Variants in HIP1 observed in about 807,000 individuals in gnomAD.
HIP1 encodes huntingtin-interacting protein 1.
In HIP1, 65 loss-of-function variants were observed where a neutral mutation model predicts 147.6. That is an observed-to-expected ratio of 0.44 (90% CI 0.36 to 0.54). The LOEUF (loss-of-function observed/expected upper bound fraction) is 0.54. HIP1 is among the 20% of genes least tolerant of loss of function. The pLI is 0.00. For missense variants in HIP1, 1,061 were observed against 1,299.6 expected (o/e 0.82, Z 2.82); for synonymous variants, 479 against 504.0 (o/e 0.95, Z 0.67).
chr7:75,582,190 C>T, intron 5 of HIP1, 39 bp from the exon 6 acceptor site: 2 of 1,523,202 alleles, frequency 1.3e-6, no homozygotes, highest in Non-Finnish European at 1.8e-6. Context: ...GGGCAGAAGA[C>T]ATGAAGAGCC....
chr7:75,701,716 G>A (rs1474503039), intron 1 of HIP1, among the ~76,000 whole-genome samples: 1 of 151,914 alleles, frequency 6.6e-6, no homozygotes, highest in Non-Finnish European at 1.5e-5. Flanking sequence ...AGCTTGGCCT[G>A]GTGGTGCACA....
At chr7:75,614,742 G>GAAAA (rs71098041) in intron 1 of HIP1, among the ~76,000 whole-genome samples, 2 of 150,490 alleles carry the variant, frequency 1.3e-5, no homozygotes, top group Non-Finnish European at 1.5e-5. Context: ...TTTGTCACAG[G>GAAAA]AAAAAAAAAG....
At chr7:75,715,531 G>A (rs1801290814) in intron 1 of HIP1, among the ~76,000 whole-genome samples, 1 of 151,358 alleles carries the variant, frequency 6.6e-6, no homozygotes, top group Admixed American at 6.6e-5. Flanking sequence ...CAGCACTTTG[G>A]GAGGCTGAGG....
At chr7:75,726,133 C>T (rs983934473) in intron 1 of HIP1, among the ~76,000 whole-genome samples, 2 of 152,150 alleles carry the variant, frequency 1.3e-5, no homozygotes, top group African/African-American at 2.4e-5. Context: ...CGTGAGCCAC[C>T]GCGCCCAGCT....
chr7:75,549,035 G>T, intron 22 of HIP1, 34 bp from the exon 23 acceptor site: 1 of 1,454,256 alleles, frequency 6.9e-7, no homozygotes, highest in Non-Finnish European at 9.7e-7. Context: ...AACTGACCTT[G>T]GGGCCTCCTG....
chr7:75,665,439 G>A (rs1465329089), intron 1 of HIP1, among the ~76,000 whole-genome samples: 1 of 152,116 alleles, frequency 6.6e-6, no homozygotes, highest in African/African-American at 2.4e-5. Context: ...GCACAAAAGG[G>A]CCACTGAGCA....
chr7:75,668,616 C>T lies in HIP1; in HGVS notation c.121-69369G>A, dbSNP rs546536337. On this transcript the variant is annotated intron_variant, in intron 1 of 30. Transcript: ENST00000336926. The stretch of plus-strand genomic sequence containing the variant: ...CTGGGATTACAGGCATGAGCCACCA[C>T]CCCTGGCCGGGACTTCCCAACTTTT... Among the ~76,000 whole-genome samples, 4 of 152,164 alleles carry T rather than the reference C, an allele frequency of 2.6e-5. No homozygotes were observed. The East Asian group carries it at 5.9e-4, about 22-fold the overall frequency.
intron 1 of HIP1, among the ~76,000 whole-genome samples, chr7:75,608,113 T>A (rs1554504167): frequency 1.3e-5 from 2 of 152,186 alleles, no homozygotes; most frequent in Non-Finnish European, 2.9e-5. Context: ...AAGTTCGGCC[T>A]GGCCAAGATG....
chr7:75,655,257 A>G (rs1799110748), intron 1 of HIP1, among the ~76,000 whole-genome samples: 1 of 152,118 alleles, frequency 6.6e-6, no homozygotes, highest in African/African-American at 2.4e-5. Context: ...CTGCGGCTGA[A>G]TTTTGAAAAC....
At chr7:75,717,469 G>A (rs1234394687) in intron 1 of HIP1, among the ~76,000 whole-genome samples, 3 of 152,036 alleles carry the variant, frequency 2.0e-5, no homozygotes, top group Admixed American at 6.6e-5. Context: ...ATTTGAGTAA[G>A]TGAATGTTGG....
intron 1 of HIP1, among the ~76,000 whole-genome samples, chr7:75,672,700 C>G (rs999918070): frequency 6.6e-6 from 1 of 152,094 alleles, no homozygotes; most frequent in Non-Finnish European, 1.5e-5. Context: ...TTTATTTTTT[C>G]TTTGGTTGTT....
intron 1 of HIP1, among the ~76,000 whole-genome samples, chr7:75,724,812 C>G (rs1554522193): frequency 1.3e-5 from 2 of 152,156 alleles, no homozygotes. Context: ...AACAACAGGG[C>G]TCAATTTCCT....
chr7:75,542,828 A>C, intron 28 of HIP1, 23 bp downstream of exon 28: 1 of 1,613,310 alleles, frequency 6.2e-7, no homozygotes, highest in Non-Finnish European at 8.5e-7. Context: ...TGGGTAAGAA[A>C]AGGGTCCCTT....
chr7:75,710,751 G>A (rs150207570), intron 1 of HIP1, among the ~76,000 whole-genome samples: 2,350 of 152,230 alleles, frequency 0.015, 30 homozygotes, highest in Non-Finnish European at 0.025. Flanking sequence ...GCAATACGGT[G>A]AGACTCTATC....
In HIP1 at chr7:75,722,526, C is replaced by T. The variant is rs141345158; in HGVS notation, c.120+16275G>A. On this transcript the variant is annotated intron_variant, in intron 1 of 30. Transcript: ENST00000336926. Reference sequence around the variant, plus strand: ...TCCAGTGCTCTGGGAGCTCTTGGCTCCTCTGCAGCCAAACCCAGAATGCTG... The same window carrying T: ...TCCAGTGCTCTGGGAGCTCTTGGCTTCTCTGCAGCCAAACCCAGAATGCTG... Among the ~76,000 whole-genome samples, 946 of 152,196 alleles carry T rather than the reference C, an allele frequency of 6.2e-3. 17 individuals carry two copies. The highest frequency in any genetic ancestry group is 0.021 in the African/African-American group (879 of 41,518).
Position 75,538,070 on chromosome 7 carries a change from G to A in HIP1, c.*102C>T. 6 of 912,746 alleles carry A rather than the reference G, an allele frequency of 6.6e-6. No individual in the cohort carries two copies. The South Asian group carries it at 7.9e-5, about 12-fold the overall frequency. 56.5% of individuals were successfully genotyped at this position (912,746 alleles called of 1,614,324 possible). ...GGCACTGGGTAATGGCAGTGGTGTG[G>A]CTGCCCCTGGGACTCCAAGGATTTG... On this transcript the variant is annotated 3_prime_UTR_variant, in exon 31 of 31. Transcript: ENST00000336926.
intron 1 of HIP1, among the ~76,000 whole-genome samples, chr7:75,631,000 C>T (rs1472531790): frequency 1.3e-5 from 2 of 152,296 alleles, no homozygotes; most frequent in East Asian, 3.9e-4. Flanking sequence ...GTCACCCAGG[C>T]TGGAGTGCAG....
intron 1 of HIP1, among the ~76,000 whole-genome samples, chr7:75,655,450 C>T (rs1554512491): frequency 1.3e-5 from 2 of 151,922 alleles, no homozygotes; most frequent in African/African-American, 4.8e-5. Flanking sequence ...GGTGTTGTGG[C>T]GCACACCTGT....
chr7:75,536,499 G>C lies in HIP1; in HGVS notation c.*1673C>G, dbSNP rs1262126746. On this transcript the variant is annotated 3_prime_UTR_variant, in exon 31 of 31. Coordinates refer to ENST00000336926, the MANE Select transcript of HIP1 (RefSeq NM_005338.7). ...CCAATGAGTTGCTATAGATAAAGAAGGAAGACGCTGTTTTTCCAAGATCAG... is the reference window on the plus strand; with the variant it reads ...CCAATGAGTTGCTATAGATAAAGAACGAAGACGCTGTTTTTCCAAGATCAG... 1 of 229,938 alleles carries C rather than the reference G, an allele frequency of 4.3e-6. No homozygotes were observed. Among genetic ancestry groups the C allele is most frequent in the African/African-American group, 2.2e-5 (1 of 45,112 alleles). The allele number at this position is 229,938 out of a possible 1,614,324, so 14.2% of individuals were successfully genotyped here. A position where few individuals can be genotyped will look rare whatever the true frequency, so the allele number is the denominator to read the frequency against.
Sources: gnomAD v4.1 joint callset for allele counts (sites outside exome capture counted in the v4.1 genomes callset) on GRCh38, gnomAD v4.1.1 for gene constraint, MANE v1.5 for transcripts, NCBI Gene and HGNC (gene_info 2026-07-23, HGNC 2026-07-21) for gene names.